The following SLC24A3 variants were observed in gnomAD, a reference collection of about 807,000 sequenced individuals.
The protein encoded by SLC24A3 is solute carrier family 24 member 3.
A neutral mutation model predicts 75.8 loss-of-function variants in SLC24A3; 28 were observed. That is an observed-to-expected ratio of 0.37 (90% CI 0.27 to 0.51). The LOEUF is 0.51. SLC24A3 is among the 20% of genes least tolerant of loss of function. SLC24A3 has a pLI of 0.94. For missense variants in SLC24A3, 663 were observed against 847.8 expected (o/e 0.78, Z 2.71); for synonymous variants, 372 against 334.1 (o/e 1.11, Z -1.24).
chr20:19,253,862 C>T (rs1982733811), intron 1 of SLC24A3, among the ~76,000 whole-genome samples: 2 of 152,228 alleles, frequency 1.3e-5, no homozygotes, highest in African/African-American at 4.8e-5. Flanking sequence ...ATGAGCCAGG[C>T]CACACCGTCC....
At chr20:19,486,236 T>G (rs1023871607) in intron 2 of SLC24A3, among the ~76,000 whole-genome samples, 8 of 152,140 alleles carry the variant, frequency 5.3e-5, no homozygotes, top group Non-Finnish European at 8.8e-5. Context: ...AAATAAGTAT[T>G]ACCATAGTAA....
intron 2 of SLC24A3, among the ~76,000 whole-genome samples, chr20:19,514,963 G>C (rs918501669): frequency 3.1e-4 from 47 of 152,206 alleles, no homozygotes; most frequent in African/African-American, 1.1e-3. Context: ...CCCACTTAGA[G>C]CAGGGGCTTC....
chr20:19,220,793 G>A (rs889329813), intron 1 of SLC24A3, among the ~76,000 whole-genome samples: 3 of 152,174 alleles, frequency 2.0e-5, no homozygotes, highest in African/African-American at 7.2e-5. Flanking sequence ...AAATTCTATT[G>A]TCATGCTCCC....
In SLC24A3 at chr20:19,476,042, A is replaced by G. The variant is rs572922226; in HGVS notation, c.272-39446A>G. ...AAGCATGTGGGAAAATAGGCAAATG[A>G]CTTGGGAAAACTCACTGTGGATGTA... On this transcript the variant is annotated intron_variant, in intron 2 of 16. Transcript: ENST00000328041. Among the ~76,000 whole-genome samples, 6 of 152,312 alleles carry G rather than the reference A, an allele frequency of 3.9e-5. No individual in the cohort carries two copies. The East Asian group carries it at 1.2e-3, about 29-fold the overall frequency.
chr20:19,553,899 T>C (rs1005861446), intron 3 of SLC24A3, among the ~76,000 whole-genome samples: 1 of 152,134 alleles, frequency 6.6e-6, no homozygotes, highest in Non-Finnish European at 1.5e-5. Context: ...TAACTTACAT[T>C]GGCAGAGTAG....
At chr20:19,238,022 A>G (rs1388837528) in intron 1 of SLC24A3, among the ~76,000 whole-genome samples, 1 of 152,164 alleles carries the variant, frequency 6.6e-6, no homozygotes, top group Non-Finnish European at 1.5e-5. Flanking sequence ...CTTTTTTAAA[A>G]CTTTTTTTAA....
At chr20:19,273,015 A>G (rs185347653) in intron 1 of SLC24A3, among the ~76,000 whole-genome samples, 2 of 152,228 alleles carry the variant, frequency 1.3e-5, no homozygotes, top group East Asian at 1.9e-4. Context: ...GGGCTTTCCC[A>G]TCTTTGTGCC....
chr20:19,391,593 G>A (rs963008452), intron 2 of SLC24A3, among the ~76,000 whole-genome samples: 7 of 152,172 alleles, frequency 4.6e-5, no homozygotes, highest in African/African-American at 1.7e-4. Context: ...CTGGGGTGAG[G>A]CCATGCAGTG....
At chr20:19,663,093 G>A (rs1040779950) in intron 7 of SLC24A3, among the ~76,000 whole-genome samples, 1 of 152,026 alleles carries the variant, frequency 6.6e-6, no homozygotes, top group African/African-American at 2.4e-5. Context: ...TTTAGAGACA[G>A]GGTCTTGCTG....
intron 6 of SLC24A3, among the ~76,000 whole-genome samples, chr20:19,628,876 C>G (rs1281299184): frequency 6.6e-6 from 1 of 152,144 alleles, no homozygotes; most frequent in Non-Finnish European, 1.5e-5. Flanking sequence ...AGAAGATGTT[C>G]CCTGTCTGAA....
At chr20:19,372,518 A>G (rs1986009876) in intron 2 of SLC24A3, among the ~76,000 whole-genome samples, 1 of 152,216 alleles carries the variant, frequency 6.6e-6, no homozygotes, top group African/African-American at 2.4e-5. Context: ...CCTTGACCTT[A>G]TTAGCACTAT....
At chr20:19,363,212 G>A (rs929748293) in intron 2 of SLC24A3, among the ~76,000 whole-genome samples, 1 of 152,228 alleles carries the variant, frequency 6.6e-6, no homozygotes, top group East Asian at 1.9e-4. Flanking sequence ...CACAAGCATG[G>A]ATCAGTAGGG....
chr20:19,674,723 T>C (rs577107928), intron 9 of SLC24A3, among the ~76,000 whole-genome samples: 11 of 152,232 alleles, frequency 7.2e-5, no homozygotes, highest in Non-Finnish European at 1.6e-4. Context: ...TTATGACATA[T>C]GTTCTTTTCC....
At chr20:19,625,581 T>C (rs1334520801) in intron 6 of SLC24A3, among the ~76,000 whole-genome samples, 2 of 152,196 alleles carry the variant, frequency 1.3e-5, no homozygotes, top group African/African-American at 4.8e-5. Context: ...AAAATCCCCA[T>C]GTATGTCCAT....
rs1296463212 is a variant in SLC24A3, at chr20:19,515,563, G to C, written c.347G>C (p.Cys116Ser). 3.1e-6 allele frequency: 5 copies of C among 1,614,086 alleles called. No homozygotes were observed. Among genetic ancestry groups the C allele is most frequent in the Non-Finnish European group, 4.2e-6 (5 of 1,179,980 alleles). Residue 116 changes from cysteine to serine, a missense_variant and splice_region_variant, in exon 3 of 17, where the codon TGT becomes TCT. Transcript: ENST00000328041. The stretch of plus-strand genomic sequence containing the variant: ...GGTGCGGTGGTCCTCCATGTGCTCT[G>C]TGTAAGTACCCCTCTGTGCCTCTGC... ...RQGAVVLHVL[C>S]AIYMFYALAI...
chr20:19,470,717 GTGCATAACAC>G (rs1395569185), intron 2 of SLC24A3, among the ~76,000 whole-genome samples: 1 of 152,160 alleles, frequency 6.6e-6, no homozygotes, highest in African/African-American at 2.4e-5. Flanking sequence ...CTGTGTTTCT[GTGCATAACAC>G]AGGACTTGGC....
chr20:19,272,373 C>T (rs1021124468), intron 1 of SLC24A3, among the ~76,000 whole-genome samples: 10 of 152,212 alleles, frequency 6.6e-5, no homozygotes, highest in African/African-American at 1.4e-4. Context: ...TTTGAAGGCA[C>T]GCAACAATGT....
intron 13 of SLC24A3, chr20:19,693,639 C>A: frequency 1.8e-6 from 1 of 550,542 alleles, no homozygotes; most frequent in Non-Finnish European, 3.0e-6. Context: ...TTAATCTTAG[C>A]TGGGACCTGC....
At chr20:19,249,344 T>G (rs779105872) in intron 1 of SLC24A3, among the ~76,000 whole-genome samples, 8 of 152,196 alleles carry the variant, frequency 5.3e-5, no homozygotes, top group African/African-American at 1.9e-4. Context: ...TCTTTTGTGC[T>G]CTCAGTGTCA....
Sources: gnomAD v4.1 joint callset for allele counts (sites outside exome capture counted in the v4.1 genomes callset) on GRCh38, gnomAD v4.1.1 for gene constraint, MANE v1.5 for transcripts, NCBI Gene and HGNC (gene_info 2026-07-23, HGNC 2026-07-21) for gene names.